Variants in RAB35 observed in about 807,000 individuals in gnomAD.
RAB35 encodes ras-related protein Rab-35.
In RAB35, 4 loss-of-function variants were observed where a neutral mutation model predicts 28.9. The ratio of observed to expected loss-of-function variants is 0.14; its 90% CI spans 0.07 to 0.32. RAB35 has a LOEUF of 0.32. Ranked by LOEUF, RAB35 falls within the 10% of genes least tolerant of loss-of-function variation. RAB35 has a pLI of 1.00. For missense variants in RAB35, 128 were observed against 274.0 expected (o/e 0.47, Z 3.76); for synonymous variants, 99 against 105.1 (o/e 0.94, Z 0.35).
chr12:120,103,985 G>A lies in RAB35; in HGVS notation c.104-36C>T, dbSNP rs751429064. 5 of 1,609,988 alleles carry A rather than the reference G, an allele frequency of 3.1e-6. 1 individual carries two copies. The South Asian group carries it at 5.5e-5, about 18-fold the overall frequency. ...AGGGCAGTTAACGAGGCCCAGCGCG[G>A]TATCTTCCCAGGCCCTGAGCCCCAC... is the stretch of plus-strand genomic sequence containing the variant. On this transcript the variant is annotated intron_variant, in intron 2 of 5. Coordinates refer to ENST00000229340, the MANE Select transcript of RAB35 (RefSeq NM_006861.7). This position sits in a 1 kb window ranked among gnomAD's most constrained non-coding sequence, Gnocchi z 6.1.
At chr12:120,104,329 A>T (rs1246780486) in intron 2 of RAB35, among the ~76,000 whole-genome samples, 7 of 152,064 alleles carry the variant, frequency 4.6e-5, no homozygotes. Flanking sequence ...TTTTCTATTC[A>T]AGTCAAAAAA....
intron 2 of RAB35, among the ~76,000 whole-genome samples, chr12:120,105,329 A>AGCCCACTG (rs61654193): frequency 0.058 from 8,821 of 152,310 alleles, 512 homozygotes; most frequent in African/African-American, 0.15. Flanking sequence ...CAAGGAGTGC[A>AGCCCACTG]GCCCACTGCC....
chr12:120,103,683 C>A lies in RAB35; in HGVS notation c.227+143G>T. ...CCAGGAAGGGTGCAGCCAAACGCCACCTACTACAGCCAACAACAGGCTCAC... is the reference window on the plus strand; with the variant it reads ...CCAGGAAGGGTGCAGCCAAACGCCAACTACTACAGCCAACAACAGGCTCAC... On this transcript the variant is annotated intron_variant, in intron 3 of 5. Transcript: ENST00000229340. This position sits in a 1 kb window ranked among gnomAD's most constrained non-coding sequence, Gnocchi z 6.1. The A allele has an allele frequency of 8.0e-7, 1 of 1,253,772 alleles. No individual in the cohort carries two copies. Among genetic ancestry groups the A allele is most frequent in the Admixed American group, 2.1e-5 (1 of 48,648 alleles). The allele number at this position is 1,253,772 out of a possible 1,614,324, so 77.7% of individuals were successfully genotyped here.
chr12:120,110,231 C>T (rs987498322), intron 1 of RAB35, among the ~76,000 whole-genome samples: 1 of 149,098 alleles, frequency 6.7e-6, no homozygotes, highest in Non-Finnish European at 1.5e-5. Flanking sequence ...GCTATGAAAC[C>T]CCCTGAAACA....
intron 3 of RAB35, among the ~76,000 whole-genome samples, chr12:120,102,761 A>G (rs1473734997): frequency 6.6e-6 from 1 of 152,092 alleles, no homozygotes; most frequent in Non-Finnish European, 1.5e-5. Flanking sequence ...CCGGGCTTTC[A>G]TGCTGTGGGA....
chr12:120,116,501 C>T (rs1042549074), intron 1 of RAB35, 98 bp downstream of exon 1: 6 of 807,090 alleles, frequency 7.4e-6, no homozygotes, highest in South Asian at 5.6e-5. Context: ...CCGCCCGCCC[C>T]GCACGGGCCG....
chr12:120,100,276 G>A lies in RAB35; in HGVS notation c.228-1122C>T, dbSNP rs149520674. 4.2e-3 allele frequency among the ~76,000 whole-genome samples: 639 copies of A among 152,328 alleles called. 3 individuals carry two copies. Among genetic ancestry groups the A allele is most frequent in the African/African-American group, 0.015 (606 of 41,568 alleles). On this transcript the variant is annotated intron_variant, in intron 3 of 5. Coordinates refer to ENST00000229340, the MANE Select transcript of RAB35 (RefSeq NM_006861.7). ...GGCCAATGCTTCACATCTGAGGCCC[G>A]ATCTAAGGACAAAGACCAACCCTGG...
chr12:120,101,280 A>G (rs1295367652), intron 3 of RAB35, among the ~76,000 whole-genome samples: 1 of 152,186 alleles, frequency 6.6e-6, no homozygotes, highest in Non-Finnish European at 1.5e-5. Context: ...CAGGATGGCC[A>G]TGTGACCAGC....
At chr12:120,104,042 C>A (rs1274022206) in intron 2 of RAB35, 93 bp from the exon 3 acceptor site, 5 of 1,509,898 alleles carry the variant, frequency 3.3e-6, no homozygotes, top group Non-Finnish European at 4.5e-6. Flanking sequence ...GGCTCCCCCA[C>A]CCTCCCGACT....
chr12:120,116,525 C>G (rs1019073064), intron 1 of RAB35, 74 bp downstream of exon 1: 15 of 942,044 alleles, frequency 1.6e-5, no homozygotes, highest in Non-Finnish European at 1.9e-5. Flanking sequence ...CCTCCCCGCC[C>G]GCCTGCCGCC....
chr12:120,108,670 C>T (rs933747036), intron 1 of RAB35: 9 of 686,098 alleles, frequency 1.3e-5, no homozygotes, highest in Middle Eastern at 4.7e-4. Flanking sequence ...CCTTTTCCTT[C>T]GTCCTTGTGT....
intron 2 of RAB35, among the ~76,000 whole-genome samples, chr12:120,105,690 G>A (rs780173019): frequency 3.3e-5 from 5 of 151,748 alleles, no homozygotes; most frequent in Non-Finnish European, 7.4e-5. Context: ...CTGGGAGGCC[G>A]AGGTGGGCAG....
chr12:120,105,288 A>G (rs1340363512), intron 2 of RAB35, among the ~76,000 whole-genome samples: 1 of 152,184 alleles, frequency 6.6e-6, no homozygotes, highest in Non-Finnish European at 1.5e-5. Context: ...AAAAGCGGCC[A>G]GCACCCGGGG....
chr12:120,102,516 G>A (rs1387334003), intron 3 of RAB35, among the ~76,000 whole-genome samples: 1 of 152,140 alleles, frequency 6.6e-6, no homozygotes, highest in Non-Finnish European at 1.5e-5. Context: ...AGCTCCCAGG[G>A]ATTCCGGGCA....
At chr12:120,113,208 T>A (rs1460720210) in intron 1 of RAB35, among the ~76,000 whole-genome samples, 11 of 141,688 alleles carry the variant, frequency 7.8e-5, no homozygotes, top group African/African-American at 2.8e-4. Flanking sequence ...TTTTTTTTTT[T>A]TTAAGAGATG....
In RAB35 at chr12:120,104,644, A is replaced by AT. The variant is rs982994643; in HGVS notation, c.104-696dup. 1.2e-4 allele frequency among the ~76,000 whole-genome samples: 18 copies of AT among 150,258 alleles called. No individual in the cohort carries two copies. In the East Asian group the frequency reaches 1.6e-3, roughly 13 times the overall value. On this transcript the variant is annotated intron_variant, in intron 2 of 5. Coordinates refer to ENST00000229340, the MANE Select transcript of RAB35 (RefSeq NM_006861.7). ...CTTGCAGCATCTGTGGGAAAAATGGATTTTTTTTGGTGGGGGGGGGACAGC... is the reference window on the plus strand; with the variant it reads ...CTTGCAGCATCTGTGGGAAAAATGGATTTTTTTTTGGTGGGGGGGGGACAGC...
At chr12:120,102,580 C>T (rs1875702927) in intron 3 of RAB35, among the ~76,000 whole-genome samples, 1 of 152,216 alleles carries the variant, frequency 6.6e-6, no homozygotes, top group South Asian at 2.1e-4. Context: ...GTGACAAGCC[C>T]TCCGCCTTGG....
At chr12:120,099,896 T>TCCGCTTC (rs1267330876) in intron 3 of RAB35, among the ~76,000 whole-genome samples, 1 of 152,060 alleles carries the variant, frequency 6.6e-6, no homozygotes, top group African/African-American at 2.4e-5. Context: ...GACCACAGCC[T>TCCGCTTC]CCGCTTCCCC....
At chr12:120,116,435 C>T (rs939769231) in intron 1 of RAB35, among the ~76,000 whole-genome samples, 164 bp downstream of exon 1, 2 of 151,292 alleles carry the variant, frequency 1.3e-5, no homozygotes, top group Admixed American at 1.3e-4. Context: ...CTCCCCTCGG[C>T]GCGGTCCGGA....
Sources: allele counts gnomAD v4.1 joint callset (sites outside exome capture counted in the v4.1 genomes callset), GRCh38; gene constraint gnomAD v4.1.1; non-coding constraint Gnocchi (gnomAD v3.1); transcripts MANE v1.5; gene names NCBI Gene and HGNC (gene_info 2026-07-23, HGNC 2026-07-21).